Variants in ATIC observed in about 807,000 individuals in gnomAD.
ATIC encodes 5-aminoimidazole-4-carboxamide ribonucleotide formyltransferase/IMP cyclohydrolase.
A neutral mutation model predicts 72.5 loss-of-function variants in ATIC; 64 were observed. That is an observed-to-expected ratio of 0.88 (90% CI 0.72 to 1.09). The LOEUF (loss-of-function observed/expected upper bound fraction) is 1.09. Ranked by LOEUF, ATIC falls within the 50% of genes least tolerant of loss-of-function variation. ATIC has a pLI of 0.00. For missense variants in ATIC, 787 were observed against 732.4 expected, an observed-to-expected ratio of 1.07 and a Z score of -0.86; for synonymous variants, 281 against 267.1, an observed-to-expected ratio of 1.05 and a Z score of -0.51.
chr2:215,330,114 A>G (rs2052875073), intron 7 of ATIC, among the ~76,000 whole-genome samples: 1 of 152,202 alleles, frequency 6.6e-6, no homozygotes, highest in Admixed American at 6.5e-5. Context: ...TCTCCCACTT[A>G]TCAACCTTAG....
At chr2:215,344,581 G>A (rs1461498574) in intron 12 of ATIC, among the ~76,000 whole-genome samples, 198 bp from the exon 13 acceptor site, 3 of 151,822 alleles carry the variant, frequency 2.0e-5, no homozygotes, top group African/African-American at 4.8e-5. Flanking sequence ...TAATTGAAGT[G>A]TGAGAATCTC....
downstream of ATIC, among the ~76,000 whole-genome samples, chr2:215,351,231 C>T (rs548599521): frequency 6.6e-6 from 1 of 152,334 alleles, no homozygotes; most frequent in South Asian, 2.1e-4. Context: ...CCTCCAGCTT[C>T]AGTCCCAGGC....
At chr2:215,366,157 T>TTTA in the ATIC span, among the ~76,000 whole-genome samples, 3 of 152,112 alleles carry the variant, frequency 2.0e-5, no homozygotes, top group African/African-American at 7.2e-5. Context: ...AATATTATTT[T>TTTA]TTATCATTTA....
the ATIC span, among the ~76,000 whole-genome samples, chr2:215,366,410 A>G: frequency 6.6e-6 from 1 of 152,184 alleles, no homozygotes; most frequent in Non-Finnish European, 1.5e-5. Context: ...TGATCTCTAC[A>G]CGCCACCACC....
chr2:215,319,722 A>C lies in ATIC; in HGVS notation c.281A>C (p.Asn94Thr), dbSNP rs75086019. 1 of 1,608,430 alleles carries C rather than the reference A, an allele frequency of 6.2e-7. No individual in the cohort carries two copies. The highest frequency in any genetic ancestry group is 8.5e-7 in the Non-Finnish European group (1 of 1,174,978). ...GCTGACATGGCCAGACTTGATTTCA[A>C]TCTTATAAGGTAAAAACCTGAAATT... ...DNADMARLDF[N>T]LIRVVACNLY... The change falls in exon 4 of 16, where the codon AAT becomes ACT. Residue 94 changes from asparagine to threonine, a missense_variant. Asn to Thr is a moderately conservative substitution (Grantham distance 65, BLOSUM62 0). Transcript: ENST00000236959.
In ATIC at chr2:215,349,711, A is replaced by G. The variant is rs1325632130; in HGVS notation, c.*56A>G. ...ATGTGTAGGTGAACAGTCACGCCTG[A>G]AACTTTGAGGATAACTTTTTAAAAA... On this transcript the variant is annotated 3_prime_UTR_variant, in exon 16 of 16. Transcript: ENST00000236959. 6.2e-7 allele frequency: 1 copy of G among 1,613,510 alleles called. No homozygotes were observed. The highest frequency in any genetic ancestry group is 8.5e-7 in the Non-Finnish European group (1 of 1,179,544).
At position 215,334,984 on chromosome 2, in the gene ATIC, G is replaced by C; in HGVS notation, c.988G>C (p.Ala330Pro). 6.2e-7 allele frequency: 1 copy of C among 1,613,082 alleles called. No individual in the cohort carries two copies. The highest frequency in any genetic ancestry group is 8.5e-7 in the Non-Finnish European group (1 of 1,179,330). Reference sequence around the variant, plus strand: ...GTCCGATGTTTGTGATGTACCAACTGCAAAAATTATTTCCAGAGAAGTTAG... The same window carrying C: ...GTCCGATGTTTGTGATGTACCAACTCCAAAAATTATTTCCAGAGAAGTTAG... ...ALSDVCDVPT[A>P]KIISREVSDG... is the part of the protein sequence containing the mutation. The change falls in exon 10 of 16, where the codon GCA becomes CCA. Residue 330 changes from alanine (A) to proline (P), a missense_variant. Ala to Pro is a conservative substitution (Grantham distance 27, BLOSUM62 -1). Coordinates refer to ENST00000236959, the MANE Select transcript of ATIC (RefSeq NM_004044.7).
the ATIC span, among the ~76,000 whole-genome samples, chr2:215,358,724 G>A: frequency 6.6e-6 from 1 of 152,154 alleles, no homozygotes; most frequent in African/African-American, 2.4e-5. Flanking sequence ...TAAATTTAAT[G>A]TATCACTTTG....
At position 215,344,709 on chromosome 2, in the gene ATIC, A is replaced by T. The variant is rs2053054127; in HGVS notation, c.1228-70A>T. 5.5e-6 allele frequency: 8 copies of T among 1,445,620 alleles called. No individual in the cohort carries two copies. The South Asian group carries it at 5.9e-5, about 11-fold the overall frequency. The allele number at this position is 1,445,620 out of a possible 1,614,324, so 89.5% of individuals were successfully genotyped here. On this transcript the variant is annotated intron_variant, in intron 12 of 15. Transcript: ENST00000236959. Reference sequence around the variant, plus strand: ...AAAAAAACCACAAAAAATAATATTTAAAAAAAGAAGCTTAAAGTTAAATGA... The same window carrying T: ...AAAAAAACCACAAAAAATAATATTTTAAAAAAGAAGCTTAAAGTTAAATGA...
chr2:215,325,976 G>A lies in ATIC; in HGVS notation c.380-11G>A. 6.2e-7 allele frequency: 1 copy of A among 1,613,954 alleles called. No homozygotes were observed. Among genetic ancestry groups the A allele is most frequent in the Non-Finnish European group, 8.5e-7 (1 of 1,179,898 alleles). On this transcript the variant is annotated splice_polypyrimidine_tract_variant and intron_variant, in intron 5 of 15. Transcript: ENST00000236959. ...ACATACAAAAATCAATAAGTCTTTT[G>A]TTCTTCAAAGGTGGAGTAACCTTAC...
rs771822727 is a variant in ATIC, at chr2:215,318,191, T to C, written c.181T>C (p.Leu61=). Reference sequence around the variant, plus strand: ...TGAGTTGACGGGATTTCCTGAAATGTTGGGGGGACGTGTGAAAACTTTGCA... The same window carrying C: ...TGAGTTGACGGGATTTCCTGAAATGCTGGGGGGACGTGTGAAAACTTTGCA... ...VSELTGFPEM[L]GGRVKTLHPA... Residue 61 remains leucine, a synonymous_variant, in exon 3 of 16, where the codon TTG becomes CTG. Coordinates refer to ENST00000236959, the MANE Select transcript of ATIC (RefSeq NM_004044.7). 2.5e-6 allele frequency: 4 copies of C among 1,614,148 alleles called. No individual in the cohort carries two copies. The highest frequency in any genetic ancestry group is 2.2e-5 in the East Asian group (1 of 44,864).
Position 215,338,906 on chromosome 2 carries a change from A to G in ATIC, c.1226A>G (p.Asp409Gly). Residue 409 changes from aspartate to glycine, a missense_variant and splice_region_variant, in exon 12 of 16, where the codon GAT becomes GGT. Coordinates refer to ENST00000236959, the MANE Select transcript of ATIC (RefSeq NM_004044.7). ...AGCAATGTTGTTACCAAAAATAAAGATGTAAGTTGGGAAGTATCTGAACTG... is the reference window on the plus strand; with the variant it reads ...AGCAATGTTGTTACCAAAAATAAAGGTGTAAGTTGGGAAGTATCTGAACTG... The part of the protein sequence containing the change: ...LFSNVVTKNK[D>G]LPESALRDLI... The G allele has an allele frequency of 2.5e-6, 4 of 1,613,234 alleles. No individual in the cohort carries two copies. The highest frequency in any genetic ancestry group is 8.5e-7 in the Non-Finnish European group (1 of 1,179,472).
chr2:215,326,695 CGTGTT>C, intron 6 of ATIC, 122 bp from the exon 7 acceptor site: 2 of 1,110,538 alleles, frequency 1.8e-6, no homozygotes, highest in South Asian at 2.5e-5. Flanking sequence ...ATGGTGTCAT[CGTGTT>C]GTGCAGCCAC....
chr2:215,350,201 G>A (rs556248769), downstream of ATIC, among the ~76,000 whole-genome samples: 20 of 152,142 alleles, frequency 1.3e-4, no homozygotes, highest in Admixed American at 5.2e-4. Flanking sequence ...CCGTGGCACC[G>A]TCTTGGCTCA....
chr2:215,320,646 C>G (rs1575114368), intron 4 of ATIC, among the ~76,000 whole-genome samples: 1 of 152,160 alleles, frequency 6.6e-6, no homozygotes, highest in Non-Finnish European at 1.5e-5. Flanking sequence ...GTGGCATGAC[C>G]TTGGCTCACT....
rs759838956 is a variant in ATIC at position 215,349,679 on chromosome 2, C to T, written c.*24C>T. 13 of 1,613,968 alleles carry T rather than the reference C, an allele frequency of 8.1e-6. No homozygotes were observed. The South Asian group carries it at 1.1e-4, about 14-fold the overall frequency. ...GATTTTACCACACACTGTTTTTTGG[C>T]TTGCTTATGTGTAGGTGAACAGTCA... On this transcript the variant is annotated 3_prime_UTR_variant, in exon 16 of 16. Coordinates refer to ENST00000236959, the MANE Select transcript of ATIC (RefSeq NM_004044.7).
intron 12 of ATIC, 101 bp downstream of exon 12, chr2:215,339,008 G>C (rs755453565): frequency 2.6e-5 from 39 of 1,502,872 alleles, no homozygotes; most frequent in Non-Finnish European, 3.2e-5. Context: ...TTTGGAACTG[G>C]TCTGTATGCA....
chr2:215,323,093 C>T lies in ATIC; in HGVS notation c.291-2148C>T, dbSNP rs559109153. On this transcript the variant is annotated intron_variant, in intron 4 of 15. Transcript: ENST00000236959. ...CCGAGTAGCTGGGACTATAGGCGCC[C>T]GCTACCATGCGCAGCTAATTTTTTT... Among the ~76,000 whole-genome samples the T allele has an allele frequency of 6.3e-4, 96 of 152,196 alleles. 1 individual carries two copies. In the Middle Eastern group the frequency reaches 0.017, roughly 27 times the overall value.
chr2:215,361,465 A>C, the ATIC span: 2 of 938,572 alleles, frequency 2.1e-6, no homozygotes, highest in Non-Finnish European at 3.6e-6. Context: ...GAAAGAAAGA[A>C]GAACTCTAAG....
Sources: allele counts gnomAD v4.1 joint callset (sites outside exome capture counted in the v4.1 genomes callset), GRCh38; gene constraint gnomAD v4.1.1; transcripts MANE v1.5; gene names NCBI Gene and HGNC (gene_info 2026-07-23, HGNC 2026-07-21).